UBOX5: variants seen among roughly 807,000 people sequenced by gnomAD.
The protein encoded by UBOX5 is RING finger protein 37.
UBOX5 carries 28 observed loss-of-function variants against 39.0 expected under a neutral mutation model. The observed-to-expected ratio is 0.72, with a 90% CI of 0.53 to 0.98. The LOEUF (loss-of-function observed/expected upper bound fraction) is 0.98, where lower values mean the gene tolerates loss of function less well. UBOX5 is among the 50% of genes least tolerant of loss of function. The pLI is 0.00. For synonymous variants in UBOX5, 283 were observed against 275.5 expected (o/e 1.03, Z -0.27); for missense variants, 585 against 674.4 (o/e 0.87, Z 1.47).
intron 1 of UBOX5, among the ~76,000 whole-genome samples, chr20:3,157,084 G>C (rs2066693254): frequency 6.8e-6 from 1 of 146,142 alleles, no homozygotes. Context: ...TACATGGCGA[G>C]ACCCTGTCTC....
intron 4 of UBOX5, 110 bp from the exon 5 acceptor site, chr20:3,110,424 T>G: frequency 7.8e-7 from 1 of 1,282,526 alleles, no homozygotes; most frequent in Non-Finnish European, 1.1e-6. Context: ...TCTGGCTTCA[T>G]CCCTCCCGAG....
chr20:3,130,746 T>G (rs2066423152), intron 1 of UBOX5, among the ~76,000 whole-genome samples: 1 of 152,058 alleles, frequency 6.6e-6, no homozygotes, highest in Non-Finnish European at 1.5e-5. Flanking sequence ...CTTATTGAAC[T>G]CTTATTGATT....
Position 3,145,140 on chromosome 20 carries a change from A to G in UBOX5, c.-42+14626T>C, listed in dbSNP as rs577700307. Reference sequence around the variant, plus strand: ...TGTGTTGGAGGAAAAATCCTGAAATATAAGTGAAGCTTTGAGAGCCTTTTT... The same window carrying G: ...TGTGTTGGAGGAAAAATCCTGAAATGTAAGTGAAGCTTTGAGAGCCTTTTT... On this transcript the variant is annotated intron_variant, in intron 1 of 4. Transcript: ENST00000217173. 4.9e-4 allele frequency among the ~76,000 whole-genome samples: 74 copies of G among 152,244 alleles called. No homozygotes were observed. The South Asian group carries it at 0.013, about 27-fold the overall frequency.
intron 3 of UBOX5, among the ~76,000 whole-genome samples, chr20:3,120,475 C>T (rs932432460): frequency 4.6e-5 from 7 of 151,430 alleles, no homozygotes; most frequent in Non-Finnish European, 8.8e-5. Context: ...GGTGAAACCC[C>T]GTCTTTACTA....
At chr20:3,144,122 G>T (rs1044767904) in intron 1 of UBOX5, among the ~76,000 whole-genome samples, 42 of 152,160 alleles carry the variant, frequency 2.8e-4, no homozygotes, top group African/African-American at 8.7e-4. Context: ...GCAAACGACA[G>T]ATTCAATACT....
At chr20:3,152,819 T>C (rs901784082) in intron 1 of UBOX5, among the ~76,000 whole-genome samples, 4 of 151,856 alleles carry the variant, frequency 2.6e-5, no homozygotes, top group Non-Finnish European at 5.9e-5. Flanking sequence ...GGCAGGAGAA[T>C]TGCTTGAATC....
intron 4 of UBOX5, among the ~76,000 whole-genome samples, chr20:3,114,276 G>C (rs1489370496): frequency 6.6e-6 from 1 of 152,138 alleles, no homozygotes; most frequent in Admixed American, 6.6e-5. Context: ...ATTGAGATTA[G>C]AGAGTCCAGG....
At chr20:3,118,711 G>A (rs1568469644) in intron 3 of UBOX5, among the ~76,000 whole-genome samples, 1 of 152,136 alleles carries the variant, frequency 6.6e-6, no homozygotes, top group Non-Finnish European at 1.5e-5. Context: ...GGCGGAGCTG[G>A]CAGTGAGCCA....
intron 1 of UBOX5, among the ~76,000 whole-genome samples, chr20:3,153,613 G>A (rs1231434788): frequency 6.6e-6 from 1 of 152,162 alleles, no homozygotes; most frequent in Non-Finnish European, 1.5e-5. Context: ...GGGCAGTACG[G>A]GGTGGGATGG....
At chr20:3,157,550 T>G (rs1010189666) in intron 1 of UBOX5, among the ~76,000 whole-genome samples, 1 of 152,214 alleles carries the variant, frequency 6.6e-6, no homozygotes, top group African/African-American at 2.4e-5. Flanking sequence ...TGGGTAGATA[T>G]AGTATGACTA....
chr20:3,143,792 A>G (rs1276732614), intron 1 of UBOX5, among the ~76,000 whole-genome samples: 3 of 151,578 alleles, frequency 2.0e-5, no homozygotes, highest in African/African-American at 7.3e-5. Flanking sequence ...ACTCCGTCTC[A>G]AAAAAACAAA....
intron 4 of UBOX5, among the ~76,000 whole-genome samples, chr20:3,113,297 CAA>C (rs1170742055): frequency 1.7e-4 from 8 of 47,542 alleles, no homozygotes; most frequent in Non-Finnish European, 8.7e-5. Flanking sequence ...GACTCTGTCT[CAA>C]AAAAAAAAAA....
At chr20:3,137,895 C>T (rs559785505) in intron 1 of UBOX5, among the ~76,000 whole-genome samples, 2 of 152,372 alleles carry the variant, frequency 1.3e-5, no homozygotes, top group East Asian at 3.9e-4. Flanking sequence ...ACTGCCCACA[C>T]TGTAAGAAAC....
intron 3 of UBOX5, chr20:3,116,749 A>G (rs1266652054): frequency 6.6e-6 from 1 of 152,240 alleles, no homozygotes; most frequent in Non-Finnish European, 1.5e-5. Context: ...AGAAGAACAT[A>G]GGAAACTAAA....
chr20:3,107,646 G>C lies in UBOX5; in HGVS notation c.*2460C>G, dbSNP rs1568465408. On this transcript the variant is annotated 3_prime_UTR_variant, in exon 5 of 5. Transcript: ENST00000217173. This position sits in a 1 kb window ranked among gnomAD's most constrained non-coding sequence, Gnocchi z 5.0. ...GCCCAGTGGTGCCTAGCATGTTTCT[G>C]GCAAGGGTAGTGAAAAGACCACTTC... The C allele has an allele frequency of 6.6e-6, 1 of 152,194 alleles. No individual in the cohort carries two copies. Among genetic ancestry groups the C allele is most frequent in the Non-Finnish European group, 1.5e-5 (1 of 68,036 alleles). The allele number at this position is 152,194 out of a possible 1,614,324, so 9.4% of individuals were successfully genotyped here.
rs1199239183 is a variant in UBOX5, at chr20:3,123,396, T to A, written c.-31A>T. ...TGGCTGAGAGGATATCTTCCAAGCATCAGAAGCAGCCTTAAATAAGAAATA... is the reference window on the plus strand; with the variant it reads ...TGGCTGAGAGGATATCTTCCAAGCAACAGAAGCAGCCTTAAATAAGAAATA... On this transcript the variant is annotated 5_prime_UTR_variant, in exon 2 of 5. The change abolishes an upstream ATG in the 5' untranslated region. Transcript: ENST00000217173. The A allele has an allele frequency of 1.2e-6, 2 of 1,605,976 alleles. No homozygotes were observed. Among genetic ancestry groups the A allele is most frequent in the South Asian group, 2.2e-5 (2 of 90,640 alleles).
chr20:3,144,882 C>T (rs1052053006), intron 1 of UBOX5, among the ~76,000 whole-genome samples: 2 of 152,154 alleles, frequency 1.3e-5, no homozygotes, highest in Non-Finnish European at 2.9e-5. Context: ...GAACCATTGG[C>T]CCAACAGGTG....
chr20:3,117,348 T>C (rs1265358110), intron 3 of UBOX5, among the ~76,000 whole-genome samples: 1 of 148,540 alleles, frequency 6.7e-6, no homozygotes, highest in African/African-American at 2.5e-5. Flanking sequence ...ACCCCACTAA[T>C]GAATACAAAA....
At chr20:3,130,269 A>G (rs571151718) in intron 1 of UBOX5, among the ~76,000 whole-genome samples, 116 of 151,068 alleles carry the variant, frequency 7.7e-4, no homozygotes, top group Non-Finnish European at 1.3e-3. Flanking sequence ...AAATAAATAA[A>G]CAAACAAAGA....
Sources: gnomAD v4.1 joint callset for allele counts (sites outside exome capture counted in the v4.1 genomes callset) on GRCh38, gnomAD v4.1.1 for gene constraint, Gnocchi (gnomAD v3.1) non-coding constraint, MANE v1.5 for transcripts, NCBI Gene and HGNC (gene_info 2026-07-23, HGNC 2026-07-21) for gene names.